Variants in SLC35F4 observed in about 807,000 individuals in gnomAD.
SLC35F4 encodes the protein solute carrier family 35 member F4.
Under a neutral mutation model 44.2 loss-of-function variants are expected in SLC35F4, and 24 were observed. The ratio of observed to expected loss-of-function variants is 0.54; its 90% CI spans 0.39 to 0.76. The LOEUF (loss-of-function observed/expected upper bound fraction) is 0.76. Among genes scored for constraint, SLC35F4 ranks in the 30% least tolerant of loss-of-function variants. The pLI is 0.00. For missense variants in SLC35F4, 562 were observed against 586.1 expected (o/e 0.96, Z 0.42); for synonymous variants, 238 against 223.6 (o/e 1.06, Z -0.57).
At chr14:57,833,607 C>A (rs1884609301) in intron 1 of SLC35F4, among the ~76,000 whole-genome samples, 1 of 152,218 alleles carries the variant, frequency 6.6e-6, no homozygotes, top group South Asian at 2.1e-4. Flanking sequence ...CCTCAATTGA[C>A]AGGCATAAAT....
At chr14:57,897,482 C>T (rs532484904) in intron 1 of SLC35F4, among the ~76,000 whole-genome samples, 2 of 151,620 alleles carry the variant, frequency 1.3e-5, no homozygotes, top group African/African-American at 2.4e-5. Context: ...GAGAACAAAG[C>T]GACTGAACTA....
intron 6 of SLC35F4, among the ~76,000 whole-genome samples, chr14:57,567,170 T>C (rs1361140575): frequency 1.3e-5 from 2 of 152,268 alleles, no homozygotes; most frequent in African/African-American, 4.8e-5. Flanking sequence ...TGTAGCTCCA[T>C]GCTCTTCAAT....
intron 1 of SLC35F4, among the ~76,000 whole-genome samples, chr14:57,929,417 C>T (rs1889648752): frequency 1.3e-5 from 2 of 152,040 alleles, no homozygotes; most frequent in Admixed American, 6.6e-5. Flanking sequence ...AATAAGCTGG[C>T]TACCCTCTTA....
At chr14:57,664,477 C>T (rs1330994382) in intron 1 of SLC35F4, among the ~76,000 whole-genome samples, 2 of 152,192 alleles carry the variant, frequency 1.3e-5, no homozygotes, top group African/African-American at 4.8e-5. Flanking sequence ...GGCACGATCT[C>T]GGCTCACTGC....
At chr14:57,909,283 T>C (rs568811710) in intron 1 of SLC35F4, among the ~76,000 whole-genome samples, 1 of 152,302 alleles carries the variant, frequency 6.6e-6, no homozygotes, top group Non-Finnish European at 1.5e-5. Flanking sequence ...TGTTGACATA[T>C]TTTTATACAA....
chr14:57,784,320 C>T (rs928039456), intron 1 of SLC35F4, among the ~76,000 whole-genome samples: 1 of 152,170 alleles, frequency 6.6e-6, no homozygotes, highest in East Asian at 1.9e-4. Context: ...TCTTTTACAA[C>T]ATAGACCTTT....
At chr14:57,930,322 G>A (rs1357622452) in intron 1 of SLC35F4, among the ~76,000 whole-genome samples, 4 of 152,172 alleles carry the variant, frequency 2.6e-5, no homozygotes, top group Admixed American at 1.3e-4. Context: ...ATTCTTGGGG[G>A]ATGCTTGGCA....
At chr14:57,760,643 C>A (rs2077102613) in intron 1 of SLC35F4, among the ~76,000 whole-genome samples, 1 of 152,084 alleles carries the variant, frequency 6.6e-6, no homozygotes, top group Admixed American at 6.6e-5. Flanking sequence ...TTGGGTCTTG[C>A]TTTTAAGATT....
intron 1 of SLC35F4, among the ~76,000 whole-genome samples, chr14:57,836,690 TATC>T (rs1377384185): frequency 6.6e-6 from 1 of 152,066 alleles, no homozygotes; most frequent in East Asian, 1.9e-4. Context: ...GCACAGCAAA[TATC>T]AGCCCATGAC....
At chr14:57,653,193 T>C (rs559183196) in intron 1 of SLC35F4, among the ~76,000 whole-genome samples, 2 of 152,200 alleles carry the variant, frequency 1.3e-5, no homozygotes, top group African/African-American at 2.4e-5. Context: ...ATATGTTCAG[T>C]GTATTGGAGC....
intron 3 of SLC35F4, among the ~76,000 whole-genome samples, chr14:57,583,271 T>C (rs1335967626): frequency 6.6e-6 from 1 of 152,188 alleles, no homozygotes; most frequent in Non-Finnish European, 1.5e-5. Context: ...CAAAGTTCAT[T>C]TTCTGTACTT....
At chr14:57,638,047 C>T (rs190232910) in intron 1 of SLC35F4, among the ~76,000 whole-genome samples, 1 of 152,256 alleles carries the variant, frequency 6.6e-6, no homozygotes, top group Admixed American at 6.5e-5. Flanking sequence ...AAGCCACCCT[C>T]CTCTACATAA....
chr14:57,910,837 G>T (rs1042714744), intron 1 of SLC35F4, among the ~76,000 whole-genome samples: 6 of 151,896 alleles, frequency 4.0e-5, no homozygotes, highest in African/African-American at 1.4e-4. Flanking sequence ...TGTTTATTGG[G>T]ATTGTGTTGA....
chr14:57,729,609 G>A (rs1382742132), intron 1 of SLC35F4, among the ~76,000 whole-genome samples: 1 of 152,104 alleles, frequency 6.6e-6, no homozygotes, highest in Non-Finnish European at 1.5e-5. Flanking sequence ...GGTATCCAAG[G>A]GGAAAGACAA....
At chr14:57,879,280 G>T (rs1888467233) in intron 1 of SLC35F4, among the ~76,000 whole-genome samples, 1 of 151,964 alleles carries the variant, frequency 6.6e-6, no homozygotes, top group South Asian at 2.1e-4. Flanking sequence ...GAAAACATAG[G>T]TTCTATCCTG....
At chr14:57,729,473 AG>A (rs1269048054) in intron 1 of SLC35F4, among the ~76,000 whole-genome samples, 1 of 152,188 alleles carries the variant, frequency 6.6e-6, no homozygotes, top group Non-Finnish European at 1.5e-5. Flanking sequence ...GCCAAGACTG[AG>A]TCCTTCCCTT....
intron 1 of SLC35F4, among the ~76,000 whole-genome samples, chr14:57,595,066 T>C (rs1010590140): frequency 3.3e-5 from 5 of 152,228 alleles, no homozygotes; most frequent in African/African-American, 1.2e-4. Flanking sequence ...GGATTTTCAC[T>C]AGTTTTATCA....
In SLC35F4 at chr14:57,589,521, CAGGAAAGGAATACAAATGTG is replaced by C. The variant is rs1488847102; in HGVS notation, c.290-28_290-9del. ...TCTGTGTCCCATCGTCTGCTGGAAACAGGAAAGGAATACAAATGTGAGGAAAGCAGGTTATGAAACAGCAA... is the reference window on the plus strand; with the variant it reads ...TCTGTGTCCCATCGTCTGCTGGAAACAGGAAAGCAGGTTATGAAACAGCAA... On this transcript the variant is annotated splice_polypyrimidine_tract_variant and intron_variant, in intron 2 of 7. Coordinates refer to ENST00000556826, the MANE Select transcript of SLC35F4 (RefSeq NM_001306087.2). 11 of 1,592,532 alleles carry C rather than the reference CAGGAAAGGAATACAAATGTG, an allele frequency of 6.9e-6. No individual in the cohort carries two copies. Among genetic ancestry groups the C allele is most frequent in the Non-Finnish European group, 9.4e-6 (11 of 1,171,276 alleles).
intron 1 of SLC35F4, among the ~76,000 whole-genome samples, chr14:57,893,406 G>A (rs1020529788): frequency 5.9e-5 from 9 of 151,912 alleles, no homozygotes; most frequent in Non-Finnish European, 7.4e-5. Context: ...TTTTCATACC[G>A]TTATGTAAAG....
Sources: gnomAD v4.1 joint callset for allele counts (sites outside exome capture counted in the v4.1 genomes callset) on GRCh38, gnomAD v4.1.1 for gene constraint, MANE v1.5 for transcripts, NCBI Gene and HGNC (gene_info 2026-07-23, HGNC 2026-07-21) for gene names.